XPO1: variants seen among roughly 807,000 people sequenced by gnomAD.
XPO1 encodes the protein exportin-1.
A neutral mutation model predicts 133.3 loss-of-function variants in XPO1; 5 were observed. The observed-to-expected ratio is 0.04, with a 90% CI of 0.02 to 0.08. XPO1 has a LOEUF of 0.08. Ranked by LOEUF, XPO1 falls within the 10% of genes least tolerant of loss-of-function variation. The pLI is 1.00. For synonymous variants in XPO1, 419 were observed against 408.2 expected (o/e 1.03, Z -0.32); for missense variants, 506 against 1,267.5 (o/e 0.40, Z 9.12).
intron 4 of XPO1, among the ~76,000 whole-genome samples, chr2:61,515,463 G>T (rs1470087065): frequency 6.6e-6 from 1 of 152,110 alleles, no homozygotes; most frequent in Admixed American, 6.6e-5. Flanking sequence ...ATTTCAGAAG[G>T]TTCAGGATAT....
In XPO1 at chr2:61,486,221, C is replaced by G. The variant is rs142188598; in HGVS notation, c.2314-259G>C. 3.4e-3 allele frequency among the ~76,000 whole-genome samples: 514 copies of G among 152,066 alleles called. 2 individuals are homozygous for G. The highest frequency in any genetic ancestry group is 0.011 in the African/African-American group (443 of 41,454). ...TGAGACAGTCTCACTGTCACTCAGACCAGAGTGCAGTGGCAAATCTCTGCT... is the reference window on the plus strand; with the variant it reads ...TGAGACAGTCTCACTGTCACTCAGAGCAGAGTGCAGTGGCAAATCTCTGCT... On this transcript the variant is annotated intron_variant, in intron 19 of 24. Coordinates refer to ENST00000401558, the MANE Select transcript of XPO1 (RefSeq NM_003400.4).
intron 3 of XPO1, chr2:61,526,048 T>TG (rs1698894347): frequency 1.9e-6 from 2 of 1,076,812 alleles, no homozygotes; most frequent in African/African-American, 3.3e-5. Flanking sequence ...CCACACAACT[T>TG]GGTGTCAGAG....
At position 61,478,327 on chromosome 2, in the gene XPO1, G is replaced by A. The variant is rs1696160739; in HGVS notation, c.*493C>T. ...GAGACTTTGTAATACATGTAGTCTA[G>A]ACAAACGATTCAGTCCAAGAGGTGC... On this transcript the variant is annotated 3_prime_UTR_variant, in exon 25 of 25. Coordinates refer to ENST00000401558, the MANE Select transcript of XPO1 (RefSeq NM_003400.4). The A allele has an allele frequency of 4.3e-6, 1 of 235,154 alleles. No individual in the cohort carries two copies. Among genetic ancestry groups the A allele is most frequent in the Non-Finnish European group, 8.4e-6 (1 of 119,080 alleles). 14.6% of individuals were successfully genotyped at this position (235,154 alleles called of 1,614,324 possible). A position where few individuals can be genotyped will look rare whatever the true frequency, so the allele number is the denominator to read the frequency against.
At chr2:61,502,758 AT>A (rs1697597143) in intron 4 of XPO1, 1 of 148,306 alleles carries the variant, frequency 6.7e-6, no homozygotes, top group Non-Finnish European at 1.5e-5. Context: ...AAAAAAAAAA[AT>A]CAATGAATTT....
intron 4 of XPO1, among the ~76,000 whole-genome samples, chr2:61,513,216 G>A (rs919687317): frequency 3.3e-5 from 5 of 151,968 alleles, no homozygotes; most frequent in African/African-American, 7.3e-5. Flanking sequence ...ATGCCACCAC[G>A]CCTGGCTAAT....
At chr2:61,495,351 TA>T in intron 11 of XPO1, 103 bp downstream of exon 11, 1 of 892,352 alleles carries the variant, frequency 1.1e-6, no homozygotes, top group Non-Finnish European at 1.6e-6. Flanking sequence ...AAATATTAAG[TA>T]ATAAGAAATC....
In XPO1 at chr2:61,478,719, T is replaced by A; in HGVS notation, c.*101A>T. ...TAAGAAAAAGGGCCACTAGGTGACA[T>A]TTTAATTTACAAATTGGCATCATTT... On this transcript the variant is annotated 3_prime_UTR_variant, in exon 25 of 25. Transcript: ENST00000401558. 7.6e-7 allele frequency: 1 copy of A among 1,307,362 alleles called. No homozygotes were observed. The highest frequency in any genetic ancestry group is 1.0e-6 in the Non-Finnish European group (1 of 969,624). 81.0% of individuals were successfully genotyped at this position (1,307,362 alleles called of 1,614,324 possible).
chr2:61,529,870 G>A lies in XPO1; in HGVS notation c.127-3349C>T, dbSNP rs191187575. Among the ~76,000 whole-genome samples, 133 of 152,284 alleles carry A rather than the reference G, an allele frequency of 8.7e-4. 2 individuals are homozygous for A. The highest frequency in any genetic ancestry group is 7.7e-3 in the Admixed American group (118 of 15,292). On this transcript the variant is annotated intron_variant, in intron 2 of 24. Coordinates refer to ENST00000401558, the MANE Select transcript of XPO1 (RefSeq NM_003400.4). Reference sequence around the variant, plus strand: ...CCCACCAGAACCACTGTGGTTGCCTGAAAAGATCAGACGCCTGCTTCCATT... The same window carrying A: ...CCCACCAGAACCACTGTGGTTGCCTAAAAAGATCAGACGCCTGCTTCCATT...
intron 5 of XPO1, 84 bp from the exon 6 acceptor site, chr2:61,502,124 G>C (rs543753957): frequency 1.3e-6 from 2 of 1,496,158 alleles, no homozygotes; most frequent in Non-Finnish European, 1.8e-6. Context: ...AATGATTACA[G>C]CTCTACTGTA....
At chr2:61,487,955 A>G (rs1267254226) in intron 19 of XPO1, among the ~76,000 whole-genome samples, 1 of 152,092 alleles carries the variant, frequency 6.6e-6, no homozygotes, top group Non-Finnish European at 1.5e-5. Context: ...ACATATCACC[A>G]CCCTTCGCTA....
Position 61,490,911 on chromosome 2 carries a change from T to C in XPO1, c.1888-135A>G, listed in dbSNP as rs1001725458. On this transcript the variant is annotated intron_variant, in intron 16 of 24. Transcript: ENST00000401558. ...GGATCACTCCTGTAATCCCAATACT[T>C]TGAGAAGCCAAGGCAGGCCAATCAC... 3.6e-6 allele frequency: 4 copies of C among 1,110,464 alleles called. No individual in the cohort carries two copies. In the African/African-American group the frequency reaches 4.7e-5, roughly 13 times the overall value. 68.8% of individuals were successfully genotyped at this position (1,110,464 alleles called of 1,614,324 possible). A position where few individuals can be genotyped will look rare whatever the true frequency, so the allele number is the denominator to read the frequency against.
chr2:61,483,980 G>C lies in XPO1; in HGVS notation c.2634C>G (p.Ile878Met), dbSNP rs1230178160. Residue 878 changes from isoleucine to methionine, a missense_variant, in exon 21 of 25, where the codon ATC becomes ATG. Coordinates refer to ENST00000401558, the MANE Select transcript of XPO1 (RefSeq NM_003400.4). ...PTQFKLVLDS[I>M]IWAFKHTMRN... is the part of the protein sequence containing the mutation. ...TCATAGTATGTTTGAAAGCCCAAAT[G>C]ATGGAATCCAAAACAAGTTTAAACT... 1 of 1,613,686 alleles carries C rather than the reference G, an allele frequency of 6.2e-7. No homozygotes were observed. Among genetic ancestry groups the C allele is most frequent in the Non-Finnish European group, 8.5e-7 (1 of 1,179,896 alleles).
At chr2:61,520,889 A>C (rs1239118442) in intron 4 of XPO1, among the ~76,000 whole-genome samples, 1 of 152,192 alleles carries the variant, frequency 6.6e-6, no homozygotes, top group Non-Finnish European at 1.5e-5. Flanking sequence ...ACCATGGCCA[A>C]AATTAAATCT....
Position 61,491,390 on chromosome 2 carries a change from G to A in XPO1, c.1888-614C>T, listed in dbSNP as rs554903472. The stretch of plus-strand genomic sequence containing the variant: ...TCGTTTGACCCCAGGAGGCAAGGCT[G>A]CAGTGAGCCGAGATTGCGCCACTGC... On this transcript the variant is annotated intron_variant, in intron 16 of 24. Transcript: ENST00000401558. 5.3e-5 allele frequency among the ~76,000 whole-genome samples: 8 copies of A among 151,454 alleles called. No individual in the cohort carries two copies. The South Asian group carries it at 1.3e-3, about 24-fold the overall frequency.
chr2:61,495,676 T>G, intron 10 of XPO1, 63 bp from the exon 11 acceptor site: 2 of 1,410,350 alleles, frequency 1.4e-6, no homozygotes, highest in Non-Finnish European at 1.9e-6. Context: ...CACTTAATAT[T>G]TTATTATTAT....
At chr2:61,480,814 C>G (rs1696311098) in intron 24 of XPO1, among the ~76,000 whole-genome samples, 1 of 152,022 alleles carries the variant, frequency 6.6e-6, no homozygotes, top group East Asian at 1.9e-4. Context: ...TGTATAACAG[C>G]AGAAGAAAGA....
intron 2 of XPO1, among the ~76,000 whole-genome samples, chr2:61,529,666 CAAAA>C (rs368005107): frequency 1.2e-5 from 1 of 84,358 alleles, no homozygotes; most frequent in Admixed American, 1.3e-4. Flanking sequence ...TGTCTCATTA[CAAAA>C]AAAAAAAAAA....
In XPO1 at chr2:61,538,106, T is replaced by TC. The variant is rs1039238883; in HGVS notation, c.-552dup. ...CTCTTGTTCCTCAGCGACTGGTGGT[T>TC]CCCCCCTCCCCCTCTGGGTGGTTGC... On this transcript the variant is annotated 5_prime_UTR_variant, in exon 1 of 25. Coordinates refer to ENST00000401558, the MANE Select transcript of XPO1 (RefSeq NM_003400.4). 6.0e-6 allele frequency: 1 copy of TC among 166,354 alleles called. No individual in the cohort carries two copies. The highest frequency in any genetic ancestry group is 1.1e-5 in the Non-Finnish European group (1 of 87,634). The allele number at this position is 166,354 out of a possible 1,614,324, so 10.3% of individuals were successfully genotyped here. A position where few individuals can be genotyped will look rare whatever the true frequency, so the allele number is the denominator to read the frequency against.
intron 9 of XPO1, 25 bp from the exon 10 acceptor site, chr2:61,497,032 A>G (rs774565969): frequency 2.2e-5 from 35 of 1,591,766 alleles, no homozygotes; most frequent in Middle Eastern, 3.3e-4. Flanking sequence ...GGAGGGAACC[A>G]TAAAATTAAT....
Sources: gnomAD v4.1 joint callset for allele counts (sites outside exome capture counted in the v4.1 genomes callset) on GRCh38, gnomAD v4.1.1 for gene constraint, MANE v1.5 for transcripts, NCBI Gene and HGNC (gene_info 2026-07-23, HGNC 2026-07-21) for gene names.